GMDS: variants seen among roughly 807,000 people sequenced by gnomAD.
GMDS encodes GDP-mannose 4,6-dehydratase.
A neutral mutation model predicts 49.9 loss-of-function variants in GMDS; 20 were observed. The ratio of observed to expected loss-of-function variants is 0.40; its 90% CI spans 0.28 to 0.58. The LOEUF (loss-of-function observed/expected upper bound fraction) is 0.58, where lower values mean the gene tolerates loss of function less well. GMDS is among the 20% of genes least tolerant of loss of function. The pLI is 0.42. For missense variants in GMDS, 362 were observed against 481.4 expected, an observed-to-expected ratio of 0.75 and a Z score of 2.32; for synonymous variants, 177 against 178.6, an observed-to-expected ratio of 0.99 and a Z score of 0.07.
At chr6:1,829,604 A>C (rs1477057858) in intron 7 of GMDS, among the ~76,000 whole-genome samples, 1 of 152,146 alleles carries the variant, frequency 6.6e-6, no homozygotes, top group East Asian at 1.9e-4. Flanking sequence ...ATGGCTGGCT[A>C]ATTTCTAAAA....
At chr6:1,980,323 G>C (rs1349732832) in intron 4 of GMDS, among the ~76,000 whole-genome samples, 2 of 151,868 alleles carry the variant, frequency 1.3e-5, no homozygotes, top group African/African-American at 4.8e-5. Context: ...GACACACATA[G>C]GCTCAAAATA....
At chr6:1,999,903 A>ATCTTTTTTAT (rs1581491126) in intron 4 of GMDS, among the ~76,000 whole-genome samples, 2 of 100,450 alleles carry the variant, frequency 2.0e-5, no homozygotes, top group Non-Finnish European at 3.8e-5. Context: ...CGATATATAT[A>ATCTTTTTTAT]ATATATATAT....
rs35230658 is a variant in GMDS at position 2,059,707 on chromosome 6, C to CAAAAAAAAAAAAAAAA, written c.345+56048_345+56063dup. On this transcript the variant is annotated intron_variant, in intron 4 of 10. Coordinates refer to ENST00000380815, the MANE Select transcript of GMDS (RefSeq NM_001500.4). The stretch of plus-strand genomic sequence containing the variant: ...TGGGCGACAGAGCGAGACTCCGTCT[C>CAAAAAAAAAAAAAAAA]AAAAAAAAAAAAAAAAAAAATGCAC... Among the ~76,000 whole-genome samples the CAAAAAAAAAAAAAAAA allele has an allele frequency of 1.3e-3, 23 of 17,760 alleles. 1 individual carries two copies. The highest frequency in any genetic ancestry group is 2.8e-3 in the African/African-American group (15 of 5,326). 11.7% of individuals were successfully genotyped at this position (17,760 alleles called of 152,430 possible). A position where few individuals can be genotyped will look rare whatever the true frequency, so the allele number is the denominator to read the frequency against.
intron 2 of GMDS, among the ~76,000 whole-genome samples, chr6:2,122,220 T>C (rs7768483): frequency 0.21 from 32,494 of 152,102 alleles, 5,518 homozygotes; most frequent in African/African-American, 0.47. Flanking sequence ...AAACCTTTAG[T>C]TGTGGTGGTT....
At chr6:1,765,967 G>T (rs1768334891) in intron 7 of GMDS, among the ~76,000 whole-genome samples, 1 of 152,102 alleles carries the variant, frequency 6.6e-6, no homozygotes, top group African/African-American at 2.4e-5. Context: ...ATGTAAGAAG[G>T]CTTTCACCTG....
chr6:1,875,187 T>C (rs964917472), intron 7 of GMDS, among the ~76,000 whole-genome samples: 2 of 152,212 alleles, frequency 1.3e-5, no homozygotes, highest in Non-Finnish European at 2.9e-5. Flanking sequence ...TTGAAGTTAA[T>C]AAATTTAAAT....
intron 7 of GMDS, among the ~76,000 whole-genome samples, chr6:1,847,467 CT>C (rs1204064502): frequency 6.6e-6 from 1 of 152,208 alleles, no homozygotes; most frequent in Non-Finnish European, 1.5e-5. Flanking sequence ...CCTATTCAGT[CT>C]GTCTTGGAGC....
chr6:1,916,202 AG>A (rs1761383796), intron 7 of GMDS, among the ~76,000 whole-genome samples: 2 of 152,212 alleles, frequency 1.3e-5, no homozygotes, highest in Non-Finnish European at 2.9e-5. Flanking sequence ...CTGTAGGGAA[AG>A]GAAGACCAGC....
intron 7 of GMDS, among the ~76,000 whole-genome samples, chr6:1,796,096 A>T (rs1769723766): frequency 6.6e-6 from 1 of 152,184 alleles, no homozygotes; most frequent in African/African-American, 2.4e-5. Context: ...ATGCTTCTCT[A>T]TTCAACAACC....
chr6:1,987,560 T>TAAAAA (rs1249568744), intron 4 of GMDS, among the ~76,000 whole-genome samples: 1 of 152,182 alleles, frequency 6.6e-6, no homozygotes, highest in Non-Finnish European at 1.5e-5. Context: ...AATCCCTGCC[T>TAAAAA]TTTAGAGCTT....
chr6:2,044,630 G>C (rs963390727), intron 4 of GMDS, among the ~76,000 whole-genome samples: 8 of 152,134 alleles, frequency 5.3e-5, no homozygotes, highest in Admixed American at 4.6e-4. Flanking sequence ...TTAATACCTG[G>C]ATGATGAAAT....
At chr6:2,099,115 C>T (rs1381466133) in intron 4 of GMDS, among the ~76,000 whole-genome samples, 1 of 152,108 alleles carries the variant, frequency 6.6e-6, no homozygotes, top group Non-Finnish European at 1.5e-5. Context: ...CGTTTAACCA[C>T]TATTTTTACA....
At chr6:1,816,550 A>G (rs1252313259) in intron 7 of GMDS, among the ~76,000 whole-genome samples, 1 of 152,206 alleles carries the variant, frequency 6.6e-6, no homozygotes, top group Non-Finnish European at 1.5e-5. Flanking sequence ...GTAATATGGA[A>G]GACAGTACTG....
chr6:1,728,265 ATTGT>A (rs1156496237), intron 8 of GMDS, among the ~76,000 whole-genome samples: 1 of 152,210 alleles, frequency 6.6e-6, no homozygotes, highest in Non-Finnish European at 1.5e-5. Flanking sequence ...TCTAAAGTTA[ATTGT>A]TTAAGTAGAA....
At chr6:1,646,327 C>T (rs1023599569) in intron 9 of GMDS, among the ~76,000 whole-genome samples, 1 of 152,180 alleles carries the variant, frequency 6.6e-6, no homozygotes, top group Non-Finnish European at 1.5e-5. Flanking sequence ...GGTCCGTGCT[C>T]ATTCCACCTA....
rs181675777 is a variant in GMDS, at chr6:2,202,407, C to T, written c.102+42914G>A. On this transcript the variant is annotated intron_variant, in intron 1 of 10. Transcript: ENST00000380815. ...CACTGCACAGTCGAGTAAGCACAGTCGAGTAAGACTGCTGCCAATTTCTTT... is the reference window on the plus strand; with the variant it reads ...CACTGCACAGTCGAGTAAGCACAGTTGAGTAAGACTGCTGCCAATTTCTTT... Among the ~76,000 whole-genome samples the T allele has an allele frequency of 1.3e-4, 19 of 149,580 alleles. No homozygotes were observed. In the East Asian group the frequency reaches 2.6e-3, roughly 20 times the overall value.
intron 7 of GMDS, among the ~76,000 whole-genome samples, chr6:1,758,271 C>T (rs1003547048): frequency 2.4e-4 from 36 of 152,236 alleles, no homozygotes; most frequent in Admixed American, 1.0e-3. Flanking sequence ...ATTATCTCCA[C>T]CTCCTGACTT....
intron 1 of GMDS, among the ~76,000 whole-genome samples, chr6:2,153,386 C>A (rs188188163): frequency 1.5e-3 from 225 of 151,958 alleles, no homozygotes; most frequent in Admixed American, 3.5e-3. Flanking sequence ...CCAAAAAATA[C>A]CAAATAATTA....
chr6:1,984,251 G>A (rs929556722), intron 4 of GMDS, among the ~76,000 whole-genome samples: 1 of 152,044 alleles, frequency 6.6e-6, no homozygotes, highest in African/African-American at 2.4e-5. Context: ...GGAGAGCATC[G>A]GGAAGAATAG....
Sources: allele counts gnomAD v4.1 joint callset (sites outside exome capture counted in the v4.1 genomes callset), GRCh38; gene constraint gnomAD v4.1.1; transcripts MANE v1.5; gene names NCBI Gene and HGNC (gene_info 2026-07-23, HGNC 2026-07-21).